Variants in SAMMSON observed in about 807,000 individuals in gnomAD.
The protein encoded by SAMMSON is survival associated mitochondrial melanoma specific oncogenic non-coding RNA, also known as long intergenic non-protein coding RNA 1212.
intron 4 of SAMMSON, among the ~76,000 whole-genome samples, chr3:70,196,727 GC>G (rs1383915020): frequency 6.6e-6 from 1 of 152,140 alleles, no homozygotes; most frequent in Non-Finnish European, 1.5e-5. Context: ...TTTTCAGTGA[GC>G]CATGCGGTTG....
At chr3:70,388,298 C>T (rs986283542) in intron 9 of SAMMSON, among the ~76,000 whole-genome samples, 1 of 152,036 alleles carries the variant, frequency 6.6e-6, no homozygotes, top group Non-Finnish European at 1.5e-5. Flanking sequence ...TGCTTTTACA[C>T]AAAAATAATA....
intron 3 of SAMMSON, among the ~76,000 whole-genome samples, chr3:70,019,211 G>C (rs1416689790): frequency 6.6e-6 from 1 of 152,160 alleles, no homozygotes; most frequent in Non-Finnish European, 1.5e-5. Context: ...TATTGTGTGG[G>C]AGTCTAAGTC....
intron 6 of SAMMSON, among the ~76,000 whole-genome samples, chr3:70,258,696 A>G (rs1701840063): frequency 6.6e-6 from 1 of 152,176 alleles, no homozygotes; most frequent in Non-Finnish European, 1.5e-5. Flanking sequence ...TTTATGTATA[A>G]GAATGTGAAT....
At chr3:70,337,724 T>C (rs914369832) in intron 7 of SAMMSON, among the ~76,000 whole-genome samples, 1 of 151,944 alleles carries the variant, frequency 6.6e-6, no homozygotes, top group Non-Finnish European at 1.5e-5. Context: ...CATAAAAATA[T>C]GATTCTCTAA....
intron 4 of SAMMSON, among the ~76,000 whole-genome samples, chr3:70,111,582 G>C (rs767312762): frequency 6.6e-6 from 1 of 152,166 alleles, no homozygotes; most frequent in African/African-American, 2.4e-5. Flanking sequence ...ACATGAGGAA[G>C]TGATTCACTA....
chr3:70,165,163 A>G (rs1377086825), intron 4 of SAMMSON, among the ~76,000 whole-genome samples: 1 of 152,030 alleles, frequency 6.6e-6, no homozygotes, highest in Non-Finnish European at 1.5e-5. Flanking sequence ...CAGAAAAACA[A>G]ATCTCTTAAT....
chr3:70,015,369 A>C (rs916648416), intron 3 of SAMMSON: 11 of 151,930 alleles, frequency 7.2e-5, no homozygotes, highest in Non-Finnish European at 1.5e-4. Context: ...TCTGATTTTA[A>C]AAAAAGTACT....
intron 3 of SAMMSON, chr3:70,015,018 C>A (rs774269391): frequency 1.3e-5 from 2 of 152,272 alleles, no homozygotes; most frequent in East Asian, 3.9e-4. Context: ...CTGTGGCTCA[C>A]GCCTGTAATC....
At chr3:70,230,663 G>A (rs1050341247) in intron 4 of SAMMSON, among the ~76,000 whole-genome samples, 3 of 152,150 alleles carry the variant, frequency 2.0e-5, no homozygotes, top group African/African-American at 7.2e-5. Flanking sequence ...GACAGCAAAC[G>A]GTAATTTGAT....
intron 3 of SAMMSON, among the ~76,000 whole-genome samples, chr3:70,018,484 A>T (rs1216048273): frequency 2.6e-5 from 4 of 151,966 alleles, no homozygotes; most frequent in African/African-American, 4.8e-5. Context: ...CTTCTTTATT[A>T]GTCTTGCTAG....
intron 7 of SAMMSON, among the ~76,000 whole-genome samples, chr3:70,326,829 A>G (rs1029936149): frequency 7.2e-5 from 11 of 152,140 alleles, no homozygotes; most frequent in Admixed American, 2.6e-4. Context: ...ATCATTGTAC[A>G]TATTTGATGA....
chr3:70,115,732 C>T (rs1203233438), intron 4 of SAMMSON, among the ~76,000 whole-genome samples: 2 of 152,106 alleles, frequency 1.3e-5, no homozygotes, highest in Non-Finnish European at 2.9e-5. Context: ...TTCCCTTATT[C>T]TTGTCCCAAC....
At chr3:70,408,987 T>G (rs1701197237) in intron 2 of SAMMSON, among the ~76,000 whole-genome samples, 2 of 152,072 alleles carry the variant, frequency 1.3e-5, no homozygotes. Flanking sequence ...ATGAGGAAGG[T>G]GCAAAAGCGG....
intron 3 of SAMMSON, among the ~76,000 whole-genome samples, chr3:70,055,542 A>G (rs899261365): frequency 7.9e-5 from 12 of 152,068 alleles, no homozygotes; most frequent in African/African-American, 1.2e-4. Context: ...ACCTCCAATG[A>G]TATTTCCCCT....
intron 4 of SAMMSON, among the ~76,000 whole-genome samples, chr3:70,073,518 A>G (rs1434409768): frequency 6.6e-6 from 1 of 151,956 alleles, no homozygotes; most frequent in Non-Finnish European, 1.5e-5. Context: ...GTGTAGAATG[A>G]GAAGTAGAGA....
At chr3:70,151,799 G>A (rs1009860014) in intron 4 of SAMMSON, among the ~76,000 whole-genome samples, 8 of 150,484 alleles carry the variant, frequency 5.3e-5, no homozygotes, top group Non-Finnish European at 3.0e-5. Flanking sequence ...TGCTTTTATT[G>A]TCATTTTAAA....
At chr3:70,238,852 T>A (rs910252518) in intron 4 of SAMMSON, among the ~76,000 whole-genome samples, 3 of 152,138 alleles carry the variant, frequency 2.0e-5, no homozygotes, top group African/African-American at 7.2e-5. Context: ...CTCACAGAAT[T>A]GCATAGGAGG....
chr3:70,015,802 G>C (rs1159177943), intron 3 of SAMMSON, among the ~76,000 whole-genome samples: 2 of 152,160 alleles, frequency 1.3e-5, no homozygotes, highest in African/African-American at 4.8e-5. Context: ...CTATGAGTGA[G>C]AACATGTGGT....
intron 1 of SAMMSON, chr3:70,012,285 G>T (rs1489715858): frequency 6.6e-6 from 1 of 152,216 alleles, no homozygotes; most frequent in African/African-American, 2.4e-5. Context: ...CCTTTACAAG[G>T]GAAAGTGGAC....
Sources: gnomAD v4.1 joint callset for allele counts (sites outside exome capture counted in the v4.1 genomes callset) on GRCh38, gnomAD v4.1.1 for gene constraint, MANE v1.5 for transcripts, NCBI Gene and HGNC (gene_info 2026-07-23, HGNC 2026-07-21) for gene names.